The following MYBPC2 variants were observed in gnomAD, a reference collection of about 807,000 sequenced individuals.
The protein encoded by MYBPC2 is myosin binding protein C2.
Under a neutral mutation model 137.0 loss-of-function variants are expected in MYBPC2, and 122 were observed. The observed-to-expected ratio is 0.89, with a 90% CI of 0.77 to 1.03. The LOEUF is 1.03. Ranked by LOEUF, MYBPC2 falls within the 50% of genes least tolerant of loss-of-function variation. The pLI is 0.00. For synonymous variants in MYBPC2, 626 were observed against 612.3 expected, an observed-to-expected ratio of 1.02 and a Z score of -0.33; for missense variants, 1,500 against 1,534.4, an observed-to-expected ratio of 0.98 and a Z score of 0.37.
intron 4 of MYBPC2, among the ~76,000 whole-genome samples, 165 bp downstream of exon 4, chr19:50,436,325 T>C (rs1455942315): frequency 1.3e-5 from 2 of 152,014 alleles, no homozygotes; most frequent in African/African-American, 4.8e-5. Flanking sequence ...GGAGAGGTTG[T>C]GTGAAGCAGA....
chr19:50,432,977 C>T lies in MYBPC2; in HGVS notation c.19+5C>T, dbSNP rs770996396. 9 of 1,596,980 alleles carry T rather than the reference C, an allele frequency of 5.6e-6. No homozygotes were observed. The highest frequency in any genetic ancestry group is 1.4e-5 in the African/African-American group (1 of 73,992). On this transcript the variant is annotated splice_donor_5th_base_variant and intron_variant, in intron 1 of 27. Transcript: ENST00000357701. The surrounding 1 kb of genome is among the most constrained non-coding windows in gnomAD (Gnocchi z 5.5). ...ACATGCCTGAGGCAAAACCAGGTGG[C>T]GCCAGGACCCCCTCCCTGTGTGGGG...
rs748025062 is a variant in MYBPC2, at chr19:50,435,789, G to T, written c.123G>T (p.Glu41Asp). The change falls in exon 3 of 28, where the codon GAG (glutamate) becomes GAT (aspartate). Residue 41 changes from glutamate (E) to aspartate (D), a missense_variant. Physicochemically the swap from Glu to Asp is conservative, Grantham distance 45. Coordinates refer to ENST00000357701, the MANE Select transcript of MYBPC2 (RefSeq NM_004533.4). The surrounding 1 kb of genome is among the most constrained non-coding windows in gnomAD (Gnocchi z 4.8). ...TCCCCTGAACAGAAGCCCCACCCGA[G>T]GACCAGTCCCCGACTGCAGAGGAGC... ...PAEAPKEAPP[E>D]DQSPTAEEPT... 1 of 1,610,146 alleles carries T rather than the reference G, an allele frequency of 6.2e-7. No individual in the cohort carries two copies. The highest frequency in any genetic ancestry group is 1.7e-4 in the Middle Eastern group (1 of 6,044).
At chr19:50,462,148 A>C in intron 26 of MYBPC2, 112 bp downstream of exon 26, 1 of 1,405,040 alleles carries the variant, frequency 7.1e-7, no homozygotes, top group Non-Finnish European at 9.3e-7. Flanking sequence ...TCTCTGTCTC[A>C]AGGGATTTAG....
intron 1 of MYBPC2, 35 bp downstream of exon 1, chr19:50,433,007 G>A (rs974577577): frequency 2.6e-6 from 4 of 1,565,056 alleles, no homozygotes; most frequent in Admixed American, 4.0e-5. Context: ...GTGGGGATGG[G>A]GCTCTTCTTT....
intron 1 of MYBPC2, among the ~76,000 whole-genome samples, chr19:50,434,044 T>A (rs2039681059): frequency 6.9e-6 from 1 of 145,310 alleles, no homozygotes; most frequent in African/African-American, 2.6e-5. Flanking sequence ...AGACCCCGTC[T>A]CTAAAAAACA....
intron 18 of MYBPC2, 51 bp downstream of exon 18, chr19:50,454,420 G>GTT (rs36109908): frequency 0.014 from 10,005 of 730,638 alleles, 5 homozygotes; most frequent in South Asian, 0.016. Context: ...TCTGCCTTCT[G>GTT]TTTTTTTTTT....
intron 20 of MYBPC2, among the ~76,000 whole-genome samples, chr19:50,456,534 C>T (rs994476053): frequency 2.0e-5 from 3 of 151,872 alleles, no homozygotes; most frequent in Admixed American, 1.3e-4. Context: ...AGGTTCACGC[C>T]ATTCTCCTGC....
Position 50,459,246 on chromosome 19 carries a change from G to T in MYBPC2, c.2731G>T (p.Glu911Ter). ...QAARSDSGEYELSVQIENMKD... is the reference protein window; with the variant it reads ...QAARSDSGEY ...GGCCCGCTCCGACTCCGGGGAGTAC[G>T]AGCTGAGCGTGCAGATCGAGAACAT... The change falls in exon 23 of 28, where the codon GAG becomes TAG. Residue 911 changes from glutamate to a stop codon, truncating the protein, a stop_gained. Coordinates refer to ENST00000357701, the MANE Select transcript of MYBPC2 (RefSeq NM_004533.4). LOFTEE classifies it high-confidence loss of function. 1 of 1,611,430 alleles carries T rather than the reference G, an allele frequency of 6.2e-7. No individual in the cohort carries two copies. The highest frequency in any genetic ancestry group is 8.5e-7 in the Non-Finnish European group (1 of 1,179,548).
In MYBPC2 at chr19:50,455,747, T is replaced by C. The variant is rs546737626; in HGVS notation, c.2338+103T>C. 4.1e-5 allele frequency: 61 copies of C among 1,487,436 alleles called. No individual in the cohort carries two copies. In the African/African-American group the frequency reaches 8.0e-4, roughly 20 times the overall value. 92.1% of individuals were successfully genotyped at this position (1,487,436 alleles called of 1,614,324 possible). On this transcript the variant is annotated intron_variant, in intron 20 of 27. Transcript: ENST00000357701. Reference sequence around the variant, plus strand: ...CCATGTGGGACAGAGATGGGTGCAGTGGCCTGCTTGTGTTTTGTGTCTGTA... The same window carrying C: ...CCATGTGGGACAGAGATGGGTGCAGCGGCCTGCTTGTGTTTTGTGTCTGTA...
At position 50,436,168 on chromosome 19, in the gene MYBPC2, C is replaced by A; in HGVS notation, c.345+8C>A. The A allele has an allele frequency of 1.3e-6, 2 of 1,578,632 alleles. No homozygotes were observed. Among genetic ancestry groups the A allele is most frequent in the Non-Finnish European group, 1.7e-6 (2 of 1,162,194 alleles). ...CACAACTCCGCCAGCAATGTGAGGA[C>A]CCCGTGGGCCAGAGGGCTGGTGGAG... On this transcript the variant is annotated splice_region_variant and intron_variant, in intron 4 of 27. Transcript: ENST00000357701.
intron 26 of MYBPC2, 133 bp from the exon 27 acceptor site, chr19:50,464,213 A>G: frequency 2.7e-6 from 2 of 745,974 alleles, no homozygotes; most frequent in Non-Finnish European, 4.3e-6. Context: ...GTCAGGGAGA[A>G]GTGACTCGTC....
intron 6 of MYBPC2, 58 bp downstream of exon 6, chr19:50,437,579 A>G (rs2039715473): frequency 6.3e-7 from 1 of 1,593,130 alleles, no homozygotes; most frequent in Non-Finnish European, 8.6e-7. Context: ...TCTCCCTTGG[A>G]AGGGGAAAAA....
intron 20 of MYBPC2, among the ~76,000 whole-genome samples, chr19:50,456,544 C>T (rs111494212): frequency 2.0e-5 from 3 of 151,788 alleles, no homozygotes; most frequent in African/African-American, 7.2e-5. Context: ...CATTCTCCTG[C>T]CTCAGCCTCC....
At chr19:50,436,516 GGGGTGA>G in intron 4 of MYBPC2, 95 bp from the exon 5 acceptor site, 1 of 1,073,114 alleles carries the variant, frequency 9.3e-7, no homozygotes, top group Non-Finnish European at 1.4e-6. Flanking sequence ...CTGTGGGGTG[GGGGTGA>G]GGACGTGGAG....
chr19:50,448,010 C>T (rs980945297), intron 12 of MYBPC2, among the ~76,000 whole-genome samples: 2 of 152,166 alleles, frequency 1.3e-5, no homozygotes, highest in Non-Finnish European at 2.9e-5. Flanking sequence ...AGATTCCTCC[C>T]TGCCTCCCTC....
At position 50,458,621 on chromosome 19, in the gene MYBPC2, G is replaced by A. The variant is rs757731458; in HGVS notation, c.2373G>A (p.Val791=). The change falls in exon 21 of 28, where the codon GTG becomes GTA. Residue 791 remains valine, a synonymous_variant. Transcript: ENST00000357701. Reference sequence around the variant, plus strand: ...GGGTCCCTGCCAACACCGAGCCCGTGGAGCGCTGTGGCTTCACCGTCAAGA... The same window carrying A: ...GGGTCCCTGCCAACACCGAGCCCGTAGAGCGCTGTGGCTTCACCGTCAAGA... ...EEWVPANTEP[V]ERCGFTVKNL... The A allele has an allele frequency of 6.2e-7, 1 of 1,612,790 alleles. No homozygotes were observed. The highest frequency in any genetic ancestry group is 8.5e-7 in the Non-Finnish European group (1 of 1,179,894).
rs1386161584 is a variant in MYBPC2, at chr19:50,443,695, T to TC, written c.1028-11dup. ...GGGTCCTGAAACGACTGACCTCCTG[T>TC]CCCCCTGCCCCACAGAACCTCCAGT... On this transcript the variant is annotated splice_polypyrimidine_tract_variant and intron_variant, in intron 10 of 27. Coordinates refer to ENST00000357701, the MANE Select transcript of MYBPC2 (RefSeq NM_004533.4). 2 of 1,611,818 alleles carry TC rather than the reference T, an allele frequency of 1.2e-6. No individual in the cohort carries two copies. Among genetic ancestry groups the TC allele is most frequent in the South Asian group, 1.1e-5 (1 of 91,016 alleles).
intron 21 of MYBPC2, 81 bp downstream of exon 21, chr19:50,458,835 TC>T: frequency 6.3e-7 from 1 of 1,594,690 alleles, no homozygotes. Flanking sequence ...CGACAGGACC[TC>T]CCCAGAGAGC....
chr19:50,439,869 AC>A (rs1442881381), intron 7 of MYBPC2, among the ~76,000 whole-genome samples: 2 of 152,246 alleles, frequency 1.3e-5, no homozygotes, highest in African/African-American at 4.8e-5. Flanking sequence ...GTCTTGTAGG[AC>A]ACGGAATGCC....
Sources: gnomAD v4.1 joint callset for allele counts (sites outside exome capture counted in the v4.1 genomes callset) on GRCh38, gnomAD v4.1.1 for gene constraint, Gnocchi (gnomAD v3.1) non-coding constraint, MANE v1.5 for transcripts, NCBI Gene and HGNC (gene_info 2026-07-23, HGNC 2026-07-21) for gene names.